The following EFCAB6 variants were observed in gnomAD, a reference collection of about 807,000 sequenced individuals.
The protein encoded by EFCAB6 is EF-hand calcium-binding domain-containing protein 6.
Under a neutral mutation model 169.8 loss-of-function variants are expected in EFCAB6, and 156 were observed. The observed-to-expected ratio is 0.92, with a 90% CI of 0.81 to 1.05. EFCAB6 has a LOEUF of 1.05. Among genes scored for constraint, EFCAB6 ranks in the 50% least tolerant of loss-of-function variants. EFCAB6 has a pLI of 0.00. For missense variants in EFCAB6, 1,800 were observed against 1,829.1 expected (o/e 0.98, Z 0.29); for synonymous variants, 698 against 676.4 (o/e 1.03, Z -0.50).
At chr22:43,774,870 CGCTCTGGGGTTATGAGATG>C (rs2061588732) in intron 3 of EFCAB6, among the ~76,000 whole-genome samples, 3 of 151,828 alleles carry the variant, frequency 2.0e-5, no homozygotes, top group Non-Finnish European at 4.4e-5. Flanking sequence ...TTGGGCTTCA[CGCTCTGGGGTTATGAGATG>C]GCACAGTGGG....
intron 23 of EFCAB6, among the ~76,000 whole-genome samples, chr22:43,597,587 A>C (rs1289302237): frequency 1.3e-5 from 2 of 152,198 alleles, no homozygotes; most frequent in Non-Finnish European, 2.9e-5. Context: ...TCAAAAAGAC[A>C]AAATATAAAT....
chr22:43,700,836 A>G (rs547007707), intron 10 of EFCAB6, among the ~76,000 whole-genome samples: 14 of 152,288 alleles, frequency 9.2e-5, no homozygotes, highest in Non-Finnish European at 1.3e-4. Context: ...TTCATTGCAT[A>G]TATTTACCAG....
At chr22:43,708,089 T>TAAAAA (rs137824) in intron 10 of EFCAB6, among the ~76,000 whole-genome samples, 5 of 115,542 alleles carry the variant, frequency 4.3e-5, no homozygotes, top group African/African-American at 1.7e-4. Context: ...TAAAGAAAAC[T>TAAAAA]AAAAAAAAAA....
At chr22:43,577,599 G>A (rs898843082) in intron 25 of EFCAB6, among the ~76,000 whole-genome samples, 1 of 152,194 alleles carries the variant, frequency 6.6e-6, no homozygotes, top group Non-Finnish European at 1.5e-5. Flanking sequence ...GAGGGCAGGT[G>A]TAAGTTTTCC....
intron 3 of EFCAB6, among the ~76,000 whole-genome samples, chr22:43,774,825 C>A (rs1314296393): frequency 6.6e-6 from 1 of 151,586 alleles, no homozygotes; most frequent in Non-Finnish European, 1.5e-5. Flanking sequence ...CTGCATCGGC[C>A]AAGAGATGAC....
chr22:43,768,081 A>G (rs2061370903), intron 4 of EFCAB6, among the ~76,000 whole-genome samples: 1 of 152,206 alleles, frequency 6.6e-6, no homozygotes. Context: ...TGGGATGAAA[A>G]CACAACTTTG....
At chr22:43,735,587 A>G (rs1452722898) in intron 7 of EFCAB6, among the ~76,000 whole-genome samples, 1 of 152,200 alleles carries the variant, frequency 6.6e-6, no homozygotes, top group African/African-American at 2.4e-5. Flanking sequence ...GATTACTCCA[A>G]TAACCTGGAT....
intron 7 of EFCAB6, among the ~76,000 whole-genome samples, chr22:43,732,466 T>G (rs2059988626): frequency 7.3e-5 from 1 of 13,792 alleles, no homozygotes; most frequent in Non-Finnish European, 1.4e-4. Flanking sequence ...ACTGAAATAC[T>G]TTTTTTTTTT....
At chr22:43,734,371 T>C (rs904140895) in intron 7 of EFCAB6, among the ~76,000 whole-genome samples, 1 of 152,206 alleles carries the variant, frequency 6.6e-6, no homozygotes, top group Non-Finnish European at 1.5e-5. Context: ...AATTCTATTA[T>C]GTTCATTTTC....
chr22:43,561,071 A>T (rs1325675702), intron 26 of EFCAB6, among the ~76,000 whole-genome samples: 1 of 152,058 alleles, frequency 6.6e-6, no homozygotes, highest in Non-Finnish European at 1.5e-5. Flanking sequence ...AAACTTAGAA[A>T]CTACAGGCTG....
intron 2 of EFCAB6, among the ~76,000 whole-genome samples, chr22:43,788,771 AG>A (rs2062167920): frequency 2.0e-5 from 3 of 152,226 alleles, no homozygotes; most frequent in Admixed American, 1.3e-4. Context: ...ATCAAAAAAA[AG>A]TTGTACTTAA....
intron 6 of EFCAB6, among the ~76,000 whole-genome samples, chr22:43,743,931 A>C (rs1327218251): frequency 6.6e-6 from 1 of 151,332 alleles, no homozygotes; most frequent in African/African-American, 2.4e-5. Flanking sequence ...TGGATGGATG[A>C]TGAATGAATG....
At chr22:43,533,522 T>C (rs953245845) in intron 30 of EFCAB6, 3 of 152,374 alleles carry the variant, frequency 2.0e-5, no homozygotes, top group East Asian at 3.9e-4. Context: ...CAGACCCTTA[T>C]AGGGTTCTAA....
intron 10 of EFCAB6, among the ~76,000 whole-genome samples, chr22:43,707,413 G>A (rs35269212): frequency 0.28 from 42,029 of 151,858 alleles, 6,938 homozygotes; most frequent in East Asian, 0.63. Context: ...TGAAAAATAC[G>A]AATTCTCAGA....
Position 43,607,372 on chromosome 22 carries a change from G to A in EFCAB6, c.2681+1110C>T, listed in dbSNP as rs575882587. 2.6e-5 allele frequency among the ~76,000 whole-genome samples: 4 copies of A among 152,308 alleles called. No individual in the cohort carries two copies. In the East Asian group the frequency reaches 7.7e-4, roughly 29 times the overall value. On this transcript the variant is annotated intron_variant, in intron 22 of 31. Transcript: ENST00000262726. ...TTGTTGCTGTACCATAGCTACCTGTGTGAATGCATTCTGTGCCCTGACAGC... is the reference window on the plus strand; with the variant it reads ...TTGTTGCTGTACCATAGCTACCTGTATGAATGCATTCTGTGCCCTGACAGC...
intron 3 of EFCAB6, among the ~76,000 whole-genome samples, chr22:43,777,302 G>A (rs2061672029): frequency 6.6e-6 from 1 of 152,174 alleles, no homozygotes; most frequent in African/African-American, 2.4e-5. Flanking sequence ...CTGGATATAC[G>A]ATCGGGAGCT....
At chr22:43,748,420 C>T (rs1446895353) in intron 6 of EFCAB6, among the ~76,000 whole-genome samples, 1 of 152,134 alleles carries the variant, frequency 6.6e-6, no homozygotes, top group Non-Finnish European at 1.5e-5. Context: ...GCTTCCCTCT[C>T]CTCATGTCCT....
intron 15 of EFCAB6, among the ~76,000 whole-genome samples, chr22:43,669,271 A>G (rs80056689): frequency 0.019 from 2,893 of 152,346 alleles, 95 homozygotes; most frequent in African/African-American, 0.066. Context: ...CAAACATTAC[A>G]TATACAGCTT....
intron 20 of EFCAB6, among the ~76,000 whole-genome samples, chr22:43,620,559 T>C (rs1231522297): frequency 6.6e-6 from 1 of 152,152 alleles, no homozygotes; most frequent in Non-Finnish European, 1.5e-5. Flanking sequence ...AGACAATTTG[T>C]CTCCAACAGA....
Sources: allele counts gnomAD v4.1 joint callset (sites outside exome capture counted in the v4.1 genomes callset), GRCh38; gene constraint gnomAD v4.1.1; transcripts MANE v1.5; gene names NCBI Gene and HGNC (gene_info 2026-07-23, HGNC 2026-07-21).